CHERP: variants seen among roughly 807,000 people sequenced by gnomAD.
CHERP encodes ERPROT 213-21.
CHERP carries 8 observed loss-of-function variants against 113.8 expected under a neutral mutation model. The observed-to-expected ratio is 0.07, with a 90% CI of 0.04 to 0.13. The LOEUF is 0.13. Ranked by LOEUF, CHERP falls within the 10% of genes least tolerant of loss-of-function variation. CHERP has a pLI of 1.00. For synonymous variants in CHERP, 559 were observed against 524.5 expected (o/e 1.07, Z -0.90); for missense variants, 884 against 1,298.2 (o/e 0.68, Z 4.90).
In CHERP at chr19:16,529,754, C is replaced by CTGCTGCTGCTGCTGT; in HGVS notation, c.1008_1022dup (p.Gln337_Gln341dup). On this transcript the variant is annotated inframe_insertion, in exon 8 of 17. Transcript: ENST00000546361. ...CAGCCTCCATCTGCGGCATCTGGAG[C>CTGCTGCTGCTGCTGT]TGCTGCTGCTGCTGTTGCTGCTGCT... 3.7e-6 allele frequency: 6 copies of CTGCTGCTGCTGCTGT among 1,607,598 alleles called. No individual in the cohort carries two copies. The highest frequency in any genetic ancestry group is 5.1e-6 in the Non-Finnish European group (6 of 1,177,494).
At position 16,535,517 on chromosome 19, in the gene CHERP, C is replaced by T. The variant is rs900864534; in HGVS notation, c.319G>A (p.Glu107Lys). The T allele has an allele frequency of 1.2e-6, 2 of 1,607,260 alleles. No homozygotes were observed. The highest frequency in any genetic ancestry group is 1.7e-6 in the Non-Finnish European group (2 of 1,177,044). ...PPAQGAPSMD[E>K]LIQQSQWNLQ... is the part of the protein sequence containing the mutation. ...TTCCACTGGCTCTGCTGGATGAGCT[C>T]GTCCATGGATGGCGCGCCCTGGGCC... is the stretch of plus-strand genomic sequence containing the variant. Residue 107 changes from glutamate to lysine, a missense_variant, in exon 3 of 17, where the codon GAG (glutamate) becomes AAG (lysine). By Grantham distance (56) the Glu-to-Lys change is moderately conservative (BLOSUM62 1). Transcript: ENST00000546361. This position sits in a 1 kb window ranked among gnomAD's most constrained non-coding sequence, Gnocchi z 4.3.
rs1345868800 is a variant in CHERP, at chr19:16,520,001, T to C, written c.2462+148A>G. 1.2e-6 allele frequency: 1 copy of C among 846,298 alleles called. No individual in the cohort carries two copies. Among genetic ancestry groups the C allele is most frequent in the Non-Finnish European group, 1.9e-6 (1 of 531,850 alleles). 52.4% of individuals were successfully genotyped at this position (846,298 alleles called of 1,614,324 possible). On this transcript the variant is annotated intron_variant, in intron 15 of 16. Coordinates refer to ENST00000546361, the MANE Select transcript of CHERP (RefSeq NM_006387.6). The surrounding 1 kb of genome is among the most constrained non-coding windows in gnomAD (Gnocchi z 4.0). ...GCCTCAGGCTTCGCCAAGTGGCTACTGTGGTGAAGGGTGAGGGGTGCCACT... is the reference window on the plus strand; with the variant it reads ...GCCTCAGGCTTCGCCAAGTGGCTACCGTGGTGAAGGGTGAGGGGTGCCACT...
At chr19:16,527,604 C>A (rs770554231) in intron 9 of CHERP, among the ~76,000 whole-genome samples, 2 of 152,192 alleles carry the variant, frequency 1.3e-5, no homozygotes, top group African/African-American at 2.4e-5. Context: ...TAAGGTGGCC[C>A]CTGCCTTGGC....
Position 16,520,422 on chromosome 19 carries a change from A to T in CHERP, c.2287T>A (p.Ser763Thr). The T allele has an allele frequency of 6.2e-7, 1 of 1,614,082 alleles. No homozygotes were observed. The highest frequency in any genetic ancestry group is 8.5e-7 in the Non-Finnish European group (1 of 1,180,016). Residue 763 changes from serine (S) to threonine (T), a missense_variant, in exon 14 of 17, where the codon TCG becomes ACG. By Grantham distance (58) the Ser-to-Thr change is moderately conservative. Coordinates refer to ENST00000546361, the MANE Select transcript of CHERP (RefSeq NM_006387.6). This position sits in a 1 kb window ranked among gnomAD's most constrained non-coding sequence, Gnocchi z 4.0. ...SNSRSSKSSG[S>T]YSRSRSRSCS... is the part of the protein sequence containing the mutation. ...GAGCGCGACCTTGACCTTGAGTACG[A>T]GCCTGAAGACTTGGAGGATCTTGAG...
Position 16,519,788 on chromosome 19 carries a change from C to A in CHERP, c.2463-73G>T, listed in dbSNP as rs1469263007. ...ATTGGAATGACAGTGATGAGGACCT[C>A]ACAGCCGCAGCTTGCGTGCATGCTC... On this transcript the variant is annotated intron_variant, in intron 15 of 16. Transcript: ENST00000546361. The surrounding 1 kb of genome is among the most constrained non-coding windows in gnomAD (Gnocchi z 6.0). 3 of 1,300,140 alleles carry A rather than the reference C, an allele frequency of 2.3e-6. No individual in the cohort carries two copies. The highest frequency in any genetic ancestry group is 2.2e-6 in the Non-Finnish European group (2 of 894,986). The allele number at this position is 1,300,140 out of a possible 1,614,324, so 80.5% of individuals were successfully genotyped here. A position where few individuals can be genotyped will look rare whatever the true frequency, so the allele number is the denominator to read the frequency against.
Position 16,533,144 on chromosome 19 carries a change from T to C in CHERP, c.389A>G (p.Gln130Arg), listed in dbSNP as rs2085718414. The C allele has an allele frequency of 6.3e-7, 1 of 1,585,010 alleles. No homozygotes were observed. The highest frequency in any genetic ancestry group is 8.6e-7 in the Non-Finnish European group (1 of 1,165,946). Residue 130 changes from glutamine (Q) to arginine (R), a missense_variant, in exon 4 of 17, where the codon CAA (glutamine) becomes CGA (arginine). Gln to Arg is a conservative substitution (Grantham distance 43). This residue lies in a region of CHERP where 109 missense variants were observed against 134.2 expected (regional missense o/e 0.81). Coordinates refer to ENST00000546361, the MANE Select transcript of CHERP (RefSeq NM_006387.6). ...CGCGTGGGCCACGGCCGCTGTCACT[T>C]GCTCCTGCGGGCGGGGGTCGGTGGG... ...EQHLLALRQEQVTAAVAHAVE... is the reference protein window; with the variant it reads ...EQHLLALRQERVTAAVAHAVE...
intron 9 of CHERP, among the ~76,000 whole-genome samples, chr19:16,527,813 C>G (rs530208043): frequency 4.6e-5 from 7 of 152,352 alleles, no homozygotes; most frequent in African/African-American, 1.7e-4. Context: ...GCGTTAAACT[C>G]CCCTGCACTC....
Position 16,522,032 on chromosome 19 carries a change from G to A in CHERP, c.1981-378C>T, listed in dbSNP as rs573909048. Among the ~76,000 whole-genome samples the A allele has an allele frequency of 3.5e-4, 54 of 152,302 alleles. 1 individual carries two copies. The highest frequency in any genetic ancestry group is 3.5e-3 in the Admixed American group (54 of 15,304). On this transcript the variant is annotated intron_variant, in intron 11 of 16. Transcript: ENST00000546361. ...TGGGCCCCCGCTCAGAACAGCCTCA[G>A]CCCCGGCCCTGGAGCCCCCTGGCCT...
chr19:16,520,459 G>C lies in CHERP; in HGVS notation c.2250C>G (p.Ser750=), dbSNP rs2085600917. The C allele has an allele frequency of 4.3e-6, 7 of 1,614,116 alleles. No homozygotes were observed. The highest frequency in any genetic ancestry group is 3.3e-5 in the South Asian group (3 of 91,082). The change falls in exon 14 of 17, where the codon TCC becomes TCG. Residue 750 remains serine, a synonymous_variant. Transcript: ENST00000546361. This position sits in a 1 kb window ranked among gnomAD's most constrained non-coding sequence, Gnocchi z 4.0. ...RSRSKSRGRS[S]SRSNSRSSKS... is the part of the protein sequence containing the mutation. ...TGGAGGATCTTGAGTTGGAGCGGGA[G>C]GAAGAACGCCCTCGACTCTTGGATC...
chr19:16,529,395 C>T (rs976669211), intron 8 of CHERP, among the ~76,000 whole-genome samples: 1 of 152,168 alleles, frequency 6.6e-6, no homozygotes. Context: ...GATCTGGGTA[C>T]CTTTCCTCTA....
chr19:16,539,211 G>C (rs532546268), intron 2 of CHERP, among the ~76,000 whole-genome samples: 11 of 148,646 alleles, frequency 7.4e-5, no homozygotes, highest in Admixed American at 1.3e-4. Flanking sequence ...GCAGTGGTGC[G>C]ATCTCGGCTC....
At position 16,519,765 on chromosome 19, in the gene CHERP, T is replaced by TG; in HGVS notation, c.2463-51dup. 1.3e-6 allele frequency: 2 copies of TG among 1,489,782 alleles called. No individual in the cohort carries two copies. Among genetic ancestry groups the TG allele is most frequent in the Middle Eastern group, 3.4e-4 (2 of 5,806 alleles). 92.3% of individuals were successfully genotyped at this position (1,489,782 alleles called of 1,614,324 possible). On this transcript the variant is annotated intron_variant, in intron 15 of 16. Coordinates refer to ENST00000546361, the MANE Select transcript of CHERP (RefSeq NM_006387.6). The surrounding 1 kb of genome is among the most constrained non-coding windows in gnomAD (Gnocchi z 6.0). ...TTTAAGAAGTAACTGAGACATTTAT[T>TG]GGAATGACAGTGATGAGGACCTCAC...
rs763429640 is a variant in CHERP at position 16,520,100 on chromosome 19, AC to A, written c.2462+48del. Reference sequence around the variant, plus strand: ...AATGTTTCCACATTCACAGCAAAGCACCGCAGCTTCCCAGAGTTACCAGCGC... The same window carrying A: ...AATGTTTCCACATTCACAGCAAAGCACGCAGCTTCCCAGAGTTACCAGCGC... On this transcript the variant is annotated intron_variant, in intron 15 of 16. Coordinates refer to ENST00000546361, the MANE Select transcript of CHERP (RefSeq NM_006387.6). The surrounding 1 kb of genome is among the most constrained non-coding windows in gnomAD (Gnocchi z 4.0). The A allele has an allele frequency of 3.3e-5, 52 of 1,566,790 alleles. No individual in the cohort carries two copies. In the African/African-American group the frequency reaches 6.5e-4, roughly 20 times the overall value.
Position 16,525,313 on chromosome 19 carries a change from G to C in CHERP, c.1670C>G (p.Pro557Arg). ...CGGCCGCTCGAAGGGGTGCCGTGGCGGGAAGTCGTCCTGCATGAAGCGGGG... is the reference window on the plus strand; with the variant it reads ...CGGCCGCTCGAAGGGGTGCCGTGGCCGGAAGTCGTCCTGCATGAAGCGGGG... ...FPPRFMQDDFPPRHPFERPPY... is the reference protein window; with the variant it reads ...FPPRFMQDDFRPRHPFERPPY... The change falls in exon 10 of 17, where the codon CCG (proline) becomes CGG (arginine). Residue 557 changes from proline to arginine, a missense_variant. Pro to Arg is a moderately radical substitution (Grantham distance 103). Around this residue, in one of 8 missense-constraint regions of CHERP, gnomAD observed 464 missense variants for 590.1 expected, o/e 0.79. Transcript: ENST00000546361. This position sits in a 1 kb window ranked among gnomAD's most constrained non-coding sequence, Gnocchi z 6.5. 1 of 1,456,476 alleles carries C rather than the reference G, an allele frequency of 6.9e-7. No individual in the cohort carries two copies. The highest frequency in any genetic ancestry group is 9.1e-7 in the Non-Finnish European group (1 of 1,103,370). 90.2% of individuals were successfully genotyped at this position (1,456,476 alleles called of 1,614,324 possible).
In CHERP at chr19:16,535,738, C is replaced by T; in HGVS notation, c.200-102G>A. 1.7e-6 allele frequency: 2 copies of T among 1,163,090 alleles called. No individual in the cohort carries two copies. The highest frequency in any genetic ancestry group is 1.6e-5 in the African/African-American group (1 of 64,124). 72.0% of individuals were successfully genotyped at this position (1,163,090 alleles called of 1,614,324 possible). A position where few individuals can be genotyped will look rare whatever the true frequency, so the allele number is the denominator to read the frequency against. ...ACAGGGGCCTCCCCCTCCCCAGGGA[C>T]TCACCATCCACGAGGGCCTGTTCAT... On this transcript the variant is annotated intron_variant, in intron 2 of 16. Coordinates refer to ENST00000546361, the MANE Select transcript of CHERP (RefSeq NM_006387.6). The surrounding 1 kb of genome is among the most constrained non-coding windows in gnomAD (Gnocchi z 4.3).
chr19:16,524,800 C>T (rs1190683351), intron 10 of CHERP, among the ~76,000 whole-genome samples: 1 of 151,464 alleles, frequency 6.6e-6, no homozygotes, highest in Non-Finnish European at 1.5e-5. Context: ...GGTCTGTCGC[C>T]CAGGGTGGAG....
chr19:16,521,693 G>A, intron 11 of CHERP, 39 bp from the exon 12 acceptor site: 6 of 1,519,046 alleles, frequency 3.9e-6, no homozygotes, highest in Non-Finnish European at 5.3e-6. Context: ...TGCCTGGGCA[G>A]AGCCCTCTCA....
At chr19:16,537,401 T>C (rs758014692) in intron 2 of CHERP, among the ~76,000 whole-genome samples, 20 of 152,114 alleles carry the variant, frequency 1.3e-4, no homozygotes, top group Non-Finnish European at 2.4e-4. Context: ...AGCTACTCAT[T>C]CCTGTGGCTG....
chr19:16,537,480 A>G (rs1177815737), intron 2 of CHERP, among the ~76,000 whole-genome samples: 1 of 150,666 alleles, frequency 6.6e-6, no homozygotes, highest in African/African-American at 2.4e-5. Flanking sequence ...GGCCCTAACC[A>G]CCAACTGCAC....
Sources: allele counts gnomAD v4.1 joint callset (sites outside exome capture counted in the v4.1 genomes callset), GRCh38; gene constraint gnomAD v4.1.1; regional missense constraint gnomAD v4.1.1; non-coding constraint Gnocchi (gnomAD v3.1); transcripts MANE v1.5; gene names NCBI Gene and HGNC (gene_info 2026-07-23, HGNC 2026-07-21).